The following LCORL variants were observed in gnomAD, a reference collection of about 807,000 sequenced individuals.
LCORL encodes the protein ligand dependent nuclear receptor corepressor like.
LCORL carries 41 observed loss-of-function variants against 141.8 expected under a neutral mutation model. That is an observed-to-expected ratio of 0.29 (90% CI 0.23 to 0.38). The LOEUF (loss-of-function observed/expected upper bound fraction) is 0.38, where lower values mean the gene tolerates loss of function less well. Ranked by LOEUF, LCORL falls within the 10% of genes least tolerant of loss-of-function variation. The pLI is 1.00. For synonymous variants in LCORL, 618 were observed against 694.1 expected, an observed-to-expected ratio of 0.89 and a Z score of 1.72; for missense variants, 1,759 against 2,035.0, an observed-to-expected ratio of 0.86 and a Z score of 2.61.
intron 1 of LCORL, among the ~76,000 whole-genome samples, chr4:18,016,488 A>G (rs528425256): frequency 6.6e-6 from 1 of 152,298 alleles, no homozygotes; most frequent in East Asian, 1.9e-4. Flanking sequence ...ATGGTAATCA[A>G]GAGTTGGCTG....
chr4:17,957,401 T>C (rs941596693), intron 4 of LCORL, among the ~76,000 whole-genome samples: 4 of 151,746 alleles, frequency 2.6e-5, no homozygotes, highest in African/African-American at 4.8e-5. Flanking sequence ...ATTAGAGCAA[T>C]AAAGAAAGAG....
Position 17,994,824 on chromosome 4 carries a change from A to C in LCORL, c.155-21939T>G, listed in dbSNP as rs1720648022. On this transcript the variant is annotated intron_variant, in intron 1 of 7. Coordinates refer to ENST00000635767, the Ensembl canonical transcript of LCORL. ...TTAATTTATGTGATTTTTTTATTTGATAAATGCCATACAATACTATAAGCT... is the reference window on the plus strand; with the variant it reads ...TTAATTTATGTGATTTTTTTATTTGCTAAATGCCATACAATACTATAAGCT... Among the ~76,000 whole-genome samples the C allele has an allele frequency of 3.3e-5, 5 of 151,776 alleles. No homozygotes were observed. In the South Asian group the frequency reaches 1.0e-3, roughly 32 times the overall value.
At chr4:17,863,509 G>A (rs1725257345) in intron 7 of LCORL, among the ~76,000 whole-genome samples, 2 of 152,214 alleles carry the variant, frequency 1.3e-5, no homozygotes, top group Non-Finnish European at 2.9e-5. Context: ...TGCTGGCAAG[G>A]TTGTGGAGAA....
chr4:17,893,359 T>A, intron 5 of LCORL: 2 of 948,052 alleles, frequency 2.1e-6, no homozygotes, highest in Non-Finnish European at 2.5e-6. Flanking sequence ...CCTTCCATAC[T>A]ATTGAGCTAA....
intron 1 of LCORL, among the ~76,000 whole-genome samples, chr4:17,979,898 G>A (rs547164454): frequency 6.6e-6 from 1 of 152,256 alleles, no homozygotes; most frequent in African/African-American, 2.4e-5. Context: ...TGGGAAGGAG[G>A]CAGAGGAGTC....
intron 1 of LCORL, among the ~76,000 whole-genome samples, chr4:17,994,844 T>C (rs1560457786): frequency 6.6e-6 from 1 of 151,932 alleles, no homozygotes; most frequent in South Asian, 2.1e-4. Context: ...TACAATACTA[T>C]AAGCTCCAAA....
At chr4:17,908,173 C>T (rs1731959276) in intron 5 of LCORL, among the ~76,000 whole-genome samples, 1 of 152,144 alleles carries the variant, frequency 6.6e-6, no homozygotes, top group South Asian at 2.1e-4. Flanking sequence ...GCTGGTATTA[C>T]AGGCATGTGC....
chr4:17,841,555 T>A (rs1300933044), exon 8 of LCORL: 2 of 151,942 alleles, frequency 1.3e-5, no homozygotes, highest in African/African-American at 4.8e-5. Context: ...AAGTAGAGTA[T>A]ATAATTTTCA....
At chr4:17,859,264 C>T (rs560271688) in intron 7 of LCORL, among the ~76,000 whole-genome samples, 9 of 151,904 alleles carry the variant, frequency 5.9e-5, no homozygotes, top group Non-Finnish European at 8.8e-5. Context: ...GGCTAGGCTA[C>T]GATGTTAGAT....
At chr4:17,975,265 T>G (rs896334908) in intron 1 of LCORL, among the ~76,000 whole-genome samples, 1 of 152,192 alleles carries the variant, frequency 6.6e-6, no homozygotes, top group Non-Finnish European at 1.5e-5. Flanking sequence ...CTGTGATATA[T>G]TCTTTATTTT....
chr4:17,847,050 C>T (rs1167293483), intron 7 of LCORL, among the ~76,000 whole-genome samples: 3 of 152,206 alleles, frequency 2.0e-5, no homozygotes, highest in Non-Finnish European at 4.4e-5. Context: ...CAGAGTGCTA[C>T]TCTTCAGAAT....
intron 5 of LCORL, among the ~76,000 whole-genome samples, chr4:17,898,900 C>A (rs898277415): frequency 6.6e-6 from 1 of 152,110 alleles, no homozygotes; most frequent in Non-Finnish European, 1.5e-5. Flanking sequence ...ACTGTCAATG[C>A]CTCCATAAGG....
rs76942843 is a variant in LCORL at position 17,879,693 on chromosome 4, T to C, written c.777-1480A>G. 7.2e-3 allele frequency among the ~76,000 whole-genome samples: 1,083 copies of C among 151,070 alleles called. 8 individuals carry two copies. The highest frequency in any genetic ancestry group is 0.014 in the South Asian group (69 of 4,818). On this transcript the variant is annotated intron_variant, in intron 6 of 7. Coordinates refer to ENST00000635767, the Ensembl canonical transcript of LCORL. Reference sequence around the variant, plus strand: ...AATGGTTAACTACCAAAGATTACAATATATTTTTTTCCAGCAAATTAAAAA... The same window carrying C: ...AATGGTTAACTACCAAAGATTACAACATATTTTTTTCCAGCAAATTAAAAA...
intron 4 of LCORL, 60 bp downstream of exon 4, chr4:17,961,843 A>G: frequency 1.3e-6 from 2 of 1,496,016 alleles, no homozygotes; most frequent in African/African-American, 1.4e-5. Flanking sequence ...TTGTGTAAAA[A>G]AATTCCAACA....
intron 6 of LCORL, chr4:17,880,579 AAAC>A (rs1421298152): frequency 1.0e-6 from 1 of 967,876 alleles, no homozygotes. Context: ...AAAGTAAATC[AAAC>A]AAGTCAGTGT....
intron 6 of LCORL, chr4:17,882,835 CT>C: frequency 1.0e-6 from 1 of 984,480 alleles, no homozygotes; most frequent in Non-Finnish European, 1.2e-6. Flanking sequence ...CATTCTCAAG[CT>C]TTTTCTGTGC....
intron 4 of LCORL, among the ~76,000 whole-genome samples, chr4:17,918,378 C>G: frequency 6.6e-6 from 1 of 151,752 alleles, no homozygotes; most frequent in Non-Finnish European, 1.5e-5. Context: ...CTGAGAAAGC[C>G]CATATATTGA....
intron 4 of LCORL, among the ~76,000 whole-genome samples, chr4:17,936,513 A>G (rs1005949946): frequency 6.6e-6 from 1 of 152,188 alleles, no homozygotes; most frequent in African/African-American, 2.4e-5. Flanking sequence ...CAACAAAAAC[A>G]ATAAAATGTG....
exon 8 of LCORL, chr4:17,842,129 G>T: frequency 1.9e-6 from 1 of 539,252 alleles, no homozygotes; most frequent in South Asian, 2.5e-5. Flanking sequence ...TTTTAATCTT[G>T]CTTGGGTTCC....
Sources: allele counts gnomAD v4.1 joint callset (sites outside exome capture counted in the v4.1 genomes callset), GRCh38; gene constraint gnomAD v4.1.1; transcripts MANE v1.5; gene names NCBI Gene and HGNC (gene_info 2026-07-23, HGNC 2026-07-21).